Variants in ESR2 observed in about 807,000 individuals in gnomAD.
ESR2 encodes estrogen receptor 2, also known as estrogen receptor beta.
A neutral mutation model predicts 49.6 loss-of-function variants in ESR2; 36 were observed. The observed-to-expected ratio is 0.73, with a 90% CI of 0.56 to 0.96. The LOEUF (loss-of-function observed/expected upper bound fraction) is 0.96, where lower values mean the gene tolerates loss of function less well. ESR2 is among the 40% of genes least tolerant of loss of function. The pLI is 0.00. For missense variants in ESR2, 714 were observed against 693.0 expected (o/e 1.03, Z -0.34); for synonymous variants, 320 against 266.1 (o/e 1.20, Z -1.97).
chr14:64,288,496 C>T (rs369195180), intron 1 of ESR2, among the ~76,000 whole-genome samples: 42 of 151,824 alleles, frequency 2.8e-4, no homozygotes, highest in East Asian at 1.6e-3. Context: ...TACAGGTGCC[C>T]GCCACCATGC....
upstream of ESR2, among the ~76,000 whole-genome samples, chr14:64,296,393 T>C (rs1596470615): frequency 6.6e-6 from 1 of 152,254 alleles, no homozygotes; most frequent in Admixed American, 6.5e-5. Context: ...CTACCGCTTA[T>C]TGGACATTTA....
At chr14:64,335,313 C>CT (rs2077515357) in intron 1 of ESR2, among the ~76,000 whole-genome samples, 1 of 152,134 alleles carries the variant, frequency 6.6e-6, no homozygotes, top group Non-Finnish European at 1.5e-5. Context: ...TTTAACAAAG[C>CT]TATCTGTCTT....
At chr14:64,287,930 T>C (rs1230984390) in intron 1 of ESR2, among the ~76,000 whole-genome samples, 1 of 152,250 alleles carries the variant, frequency 6.6e-6, no homozygotes, top group East Asian at 1.9e-4. Context: ...AAGAGTTTAA[T>C]TGTTGGGCCT....
Position 64,309,619 on chromosome 14 carries a change from T to G in ESR2, c.-90-26544A>C, listed in dbSNP as rs114453446. On this transcript the variant is annotated intron_variant, in intron 1 of 8. Coordinates refer to the ESR2 transcript ENST00000358599. ...TGAAACTCCATCTCAAAAAAAAAAATAGAGAATCTTGCGTCAAGTGAACTA... is the reference window on the plus strand; with the variant it reads ...TGAAACTCCATCTCAAAAAAAAAAAGAGAGAATCTTGCGTCAAGTGAACTA... Among the ~76,000 whole-genome samples the G allele has an allele frequency of 1.0e-4, 8 of 78,122 alleles. 1 individual carries two copies. The highest frequency in any genetic ancestry group is 3.9e-4 in the African/African-American group (5 of 12,700). The allele number at this position is 78,122 out of a possible 152,430, so 51.3% of individuals were successfully genotyped here.
chr14:64,228,756 G>A lies in ESR2; in HGVS notation c.*4381C>T, dbSNP rs1179825771. ...GAAACCCACCACCAGTTTACCAGTGGCTGGCCCTACAAGTGAATAGGATCC... is the reference window on the plus strand; with the variant it reads ...GAAACCCACCACCAGTTTACCAGTGACTGGCCCTACAAGTGAATAGGATCC... On this transcript the variant is annotated 3_prime_UTR_variant, in exon 9 of 9. Coordinates refer to ENST00000341099, the MANE Select transcript of ESR2 (RefSeq NM_001437.3). 1.3e-5 allele frequency among the ~76,000 whole-genome samples: 2 copies of A among 152,124 alleles called. No homozygotes were observed. Among genetic ancestry groups the A allele is most frequent in the African/African-American group, 4.8e-5 (2 of 41,414 alleles).
At position 64,305,216 on chromosome 14, in the gene ESR2, A is replaced by G. The variant is rs775621883; in HGVS notation, c.-90-22141T>C. 3.3e-4 allele frequency among the ~76,000 whole-genome samples: 49 copies of G among 148,292 alleles called. No homozygotes were observed. In the South Asian group the frequency reaches 7.7e-3, roughly 23 times the overall value. ...TGAGGCAGGAGAATGGCGTGAACCC[A>G]GGAGGCAGAGCTTGCACTGAGCCGA... is the stretch of plus-strand genomic sequence containing the variant. On this transcript the variant is annotated intron_variant, in intron 1 of 8. Transcript: ENST00000358599.
chr14:64,325,148 C>T (rs181215120), intron 1 of ESR2, among the ~76,000 whole-genome samples: 1 of 152,302 alleles, frequency 6.6e-6, no homozygotes, highest in East Asian at 1.9e-4. Flanking sequence ...AATCCCGTTT[C>T]CTTGCCTAGC....
chr14:64,299,058 A>G (rs1481678400), upstream of ESR2, among the ~76,000 whole-genome samples: 1 of 152,134 alleles, frequency 6.6e-6, no homozygotes, highest in East Asian at 1.9e-4. Context: ...CAATTTCACA[A>G]ATGACTCAAA....
At chr14:64,290,787 G>C (rs1284622179) in intron 1 of ESR2, among the ~76,000 whole-genome samples, 1 of 152,172 alleles carries the variant, frequency 6.6e-6, no homozygotes, top group African/African-American at 2.4e-5. Flanking sequence ...AAAATCACCA[G>C]AGAACTCATC....
upstream of ESR2, chr14:64,338,276 G>A: frequency 6.4e-6 from 1 of 155,764 alleles, no homozygotes; most frequent in East Asian, 1.9e-4. Context: ...ACTCCTTCCA[G>A]CTCGGCAGGG....
At chr14:64,322,253 T>A (rs1567802407) in intron 1 of ESR2, among the ~76,000 whole-genome samples, 1 of 152,070 alleles carries the variant, frequency 6.6e-6, no homozygotes, top group Non-Finnish European at 1.5e-5. Context: ...GAGACAGGGT[T>A]TTGCCATCTT....
chr14:64,331,843 A>T (rs78348649), intron 1 of ESR2, among the ~76,000 whole-genome samples: 1 of 146,112 alleles, frequency 6.8e-6, no homozygotes, highest in African/African-American at 2.5e-5. Flanking sequence ...AAAAAAAAAA[A>T]AGAATCCTTT....
rs139042995 is a variant in ESR2, at chr14:64,232,932, G to GCC, written c.*203_*204dup. ...GTGTGGAAACGCTGCATTCAAATGT[G>GCC]CCCTCTGCTAACAAGGGAAACTATG... On this transcript the variant is annotated 3_prime_UTR_variant, in exon 9 of 9. Transcript: ENST00000341099. 1,618 of 1,045,186 alleles carry GCC rather than the reference G, an allele frequency of 1.5e-3. 16 individuals carry two copies. The African/African-American group carries it at 0.019, about 12-fold the overall frequency. The allele number at this position is 1,045,186 out of a possible 1,614,324, so 64.7% of individuals were successfully genotyped here. A position where few individuals can be genotyped will look rare whatever the true frequency, so the allele number is the denominator to read the frequency against.
chr14:64,275,372 A>T (rs1047890999), intron 3 of ESR2, among the ~76,000 whole-genome samples: 5 of 151,872 alleles, frequency 3.3e-5, no homozygotes, highest in African/African-American at 9.7e-5. Flanking sequence ...CTTGAACTCT[A>T]TTTGGTCTGG....
intron 7 of ESR2, among the ~76,000 whole-genome samples, chr14:64,238,664 C>A (rs1449521798): frequency 6.6e-6 from 1 of 152,076 alleles, no homozygotes; most frequent in Non-Finnish European, 1.5e-5. Flanking sequence ...AAATATAGCA[C>A]CCTCTCCATC....
chr14:64,255,042 T>C (rs1164635192), intron 6 of ESR2, among the ~76,000 whole-genome samples: 1 of 152,120 alleles, frequency 6.6e-6, no homozygotes, highest in Non-Finnish European at 1.5e-5. Flanking sequence ...CCAGGATTTG[T>C]GTCCACTTAT....
At chr14:64,318,537 CAAAAAAAAA>C (rs58597271) in intron 1 of ESR2, among the ~76,000 whole-genome samples, 3,831 of 32,520 alleles carry the variant, frequency 0.12, 95 homozygotes, top group Middle Eastern at 0.2. Flanking sequence ...AACTCCATCT[CAAAAAAAAA>C]AAAAAAAAAA....
upstream of ESR2, chr14:64,338,142 A>T (rs2077554729): frequency 6.5e-6 from 1 of 154,882 alleles, no homozygotes; most frequent in African/African-American, 2.4e-5. Flanking sequence ...GGATTCTCCA[A>T]CCCCAGACCT....
At chr14:64,324,293 A>C (rs1433498490) in intron 1 of ESR2, among the ~76,000 whole-genome samples, 1 of 152,226 alleles carries the variant, frequency 6.6e-6, no homozygotes, top group Admixed American at 6.5e-5. Flanking sequence ...AAATATGTAC[A>C]CAGTGAAAAA....
Sources: allele counts gnomAD v4.1 joint callset (sites outside exome capture counted in the v4.1 genomes callset), GRCh38; gene constraint gnomAD v4.1.1; transcripts MANE v1.5; gene names NCBI Gene and HGNC (gene_info 2026-07-23, HGNC 2026-07-21).